The following TLL1 variants were observed in gnomAD, a reference collection of about 807,000 sequenced individuals.
TLL1 encodes the protein tolloid-like protein 1.
TLL1 carries 49 observed loss-of-function variants against 128.2 expected under a neutral mutation model. The observed-to-expected ratio is 0.38, with a 90% CI of 0.30 to 0.48. The LOEUF is 0.48. Among genes scored for constraint, TLL1 ranks in the 20% least tolerant of loss-of-function variants. The probability of loss-of-function intolerance (pLI) is 0.96; values close to 1 mark genes in which losing one functional copy is unlikely to be tolerated. For missense variants in TLL1, 1,123 were observed against 1,242.0 expected (o/e 0.90, Z 1.44); for synonymous variants, 454 against 418.8 (o/e 1.08, Z -1.03).
At chr4:165,914,470 G>T (rs567410307) in intron 1 of TLL1, among the ~76,000 whole-genome samples, 2 of 152,210 alleles carry the variant, frequency 1.3e-5, no homozygotes, top group African/African-American at 4.8e-5. Context: ...CAGATGGACA[G>T]AGATTGCACC....
At chr4:165,884,608 G>A (rs1013390875) in intron 1 of TLL1, among the ~76,000 whole-genome samples, 3 of 152,238 alleles carry the variant, frequency 2.0e-5, no homozygotes, top group Admixed American at 1.3e-4. Flanking sequence ...GGCTGAGACA[G>A]GTGGATCACC....
At chr4:166,001,927 T>TA (rs931545955) in intron 5 of TLL1, among the ~76,000 whole-genome samples, 3 of 152,124 alleles carry the variant, frequency 2.0e-5, no homozygotes, top group African/African-American at 7.2e-5. Flanking sequence ...GATGATGAAA[T>TA]AAAAAATCAA....
At chr4:165,900,087 G>A (rs1443683527) in intron 1 of TLL1, among the ~76,000 whole-genome samples, 8 of 149,000 alleles carry the variant, frequency 5.4e-5, no homozygotes, top group African/African-American at 2.0e-4. Context: ...TATTTGCTTG[G>A]TAAATATTCC....
At chr4:166,073,307 A>C (rs1740874185) in intron 16 of TLL1, among the ~76,000 whole-genome samples, 1 of 152,142 alleles carries the variant, frequency 6.6e-6, no homozygotes, top group Non-Finnish European at 1.5e-5. Context: ...CATTCTGTAG[A>C]AGTCATTTAT....
At chr4:166,018,469 T>TA (rs1054233485) in intron 8 of TLL1, among the ~76,000 whole-genome samples, 1 of 151,990 alleles carries the variant, frequency 6.6e-6, no homozygotes, top group African/African-American at 2.4e-5. Context: ...TTAATTAAAC[T>TA]AAAGGGCTTC....
At chr4:166,086,819 T>C (rs1479427892) in intron 18 of TLL1, among the ~76,000 whole-genome samples, 2 of 152,142 alleles carry the variant, frequency 1.3e-5, no homozygotes, top group African/African-American at 4.8e-5. Context: ...ATTTGTGTTG[T>C]TTTAAGGCAT....
At chr4:165,877,443 A>G (rs1730766333) in intron 1 of TLL1, among the ~76,000 whole-genome samples, 1 of 152,248 alleles carries the variant, frequency 6.6e-6, no homozygotes, top group Non-Finnish European at 1.5e-5. Context: ...ATATACAATC[A>G]GGTTTCTCTT....
Position 165,950,115 on chromosome 4 carries a change from G to A in TLL1, c.170-39266G>A, listed in dbSNP as rs138244653. On this transcript the variant is annotated intron_variant, in intron 1 of 20. Transcript: ENST00000061240. ...CAAACTCAAATTAAAACAAAAGCTA[G>A]AGTGTCAATATTAATATCAAATAAA... 2.3e-3 allele frequency among the ~76,000 whole-genome samples: 344 copies of A among 152,114 alleles called. 3 individuals are homozygous for A. The highest frequency in any genetic ancestry group is 7.6e-3 in the African/African-American group (317 of 41,518).
intron 8 of TLL1, among the ~76,000 whole-genome samples, chr4:166,019,859 C>A (rs1041150558): frequency 1.3e-5 from 2 of 151,862 alleles, no homozygotes; most frequent in African/African-American, 4.8e-5. Context: ...TCATATATGC[C>A]AAAAATATAA....
chr4:166,098,960 AC>A, intron 19 of TLL1, among the ~76,000 whole-genome samples: 1 of 152,144 alleles, frequency 6.6e-6, no homozygotes, highest in East Asian at 1.9e-4. Flanking sequence ...AAATTCTCAG[AC>A]CTCACTAAAA....
At chr4:166,035,537 T>C (rs1233505767) in intron 9 of TLL1, among the ~76,000 whole-genome samples, 1 of 152,138 alleles carries the variant, frequency 6.6e-6, no homozygotes, top group Non-Finnish European at 1.5e-5. Flanking sequence ...CTCAGAATGT[T>C]TAAGTAAACC....
intron 1 of TLL1, among the ~76,000 whole-genome samples, chr4:165,881,983 ACAT>A (rs1362335907): frequency 6.6e-6 from 1 of 152,206 alleles, no homozygotes. Context: ...GAGTGCAAGA[ACAT>A]CCTTTCAAAT....
rs149889540 is a variant in TLL1 at position 165,966,650 on chromosome 4, A to G, written c.170-22731A>G. Reference sequence around the variant, plus strand: ...GCTGGGTTTCTGGGGGAGACATCACATGTCGGCAGGTTCCGTGACGTCCCT... The same window carrying G: ...GCTGGGTTTCTGGGGGAGACATCACGTGTCGGCAGGTTCCGTGACGTCCCT... On this transcript the variant is annotated intron_variant, in intron 1 of 20. Coordinates refer to ENST00000061240, the MANE Select transcript of TLL1 (RefSeq NM_012464.5). 2.3e-3 allele frequency among the ~76,000 whole-genome samples: 344 copies of G among 152,230 alleles called. 6 individuals are homozygous for G. In the East Asian group the frequency reaches 0.043, roughly 19 times the overall value.
At chr4:165,960,278 C>T (rs1735031943) in intron 1 of TLL1, among the ~76,000 whole-genome samples, 1 of 152,012 alleles carries the variant, frequency 6.6e-6, no homozygotes, top group African/African-American at 2.4e-5. Context: ...AATTGAAACC[C>T]TGAACAGACC....
intron 18 of TLL1, among the ~76,000 whole-genome samples, chr4:166,086,556 G>A (rs1290043729): frequency 6.6e-6 from 1 of 152,222 alleles, no homozygotes; most frequent in Non-Finnish European, 1.5e-5. Context: ...GACAACCATA[G>A]CACCTACACA....
intron 1 of TLL1, among the ~76,000 whole-genome samples, chr4:165,889,572 A>G (rs1282217468): frequency 6.6e-6 from 1 of 152,250 alleles, no homozygotes; most frequent in Non-Finnish European, 1.5e-5. Context: ...TGGTATCACA[A>G]GTTACCTGTA....
intron 3 of TLL1, 173 bp downstream of exon 3, chr4:165,993,057 C>T: frequency 1.7e-6 from 1 of 582,432 alleles, no homozygotes; most frequent in East Asian, 2.9e-5. Flanking sequence ...TTTTAGAACT[C>T]ATTTGGAATA....
In TLL1 at chr4:165,873,873, C is replaced by T. The variant is rs762190976; in HGVS notation, c.-32C>T. ...GACCGCGGCTGCCTAACCTCTGGGTCCCGTCCCCTCCTTTTCCTCCGGGGG... is the reference window on the plus strand; with the variant it reads ...GACCGCGGCTGCCTAACCTCTGGGTTCCGTCCCCTCCTTTTCCTCCGGGGG... On this transcript the variant is annotated 5_prime_UTR_variant, in exon 1 of 21. Coordinates refer to ENST00000061240, the MANE Select transcript of TLL1 (RefSeq NM_012464.5). 6 of 1,612,462 alleles carry T rather than the reference C, an allele frequency of 3.7e-6. No homozygotes were observed. Among genetic ancestry groups the T allele is most frequent in the East Asian group, 2.2e-5 (1 of 44,836 alleles).
chr4:166,030,404 A>C (rs958277861), intron 9 of TLL1: 1 of 478,604 alleles, frequency 2.1e-6, no homozygotes, highest in African/African-American at 2.0e-5. Flanking sequence ...TCTGGTTATT[A>C]AGCACTGATT....
Sources: allele counts gnomAD v4.1 joint callset (sites outside exome capture counted in the v4.1 genomes callset), GRCh38; gene constraint gnomAD v4.1.1; transcripts MANE v1.5; gene names NCBI Gene and HGNC (gene_info 2026-07-23, HGNC 2026-07-21).